EBF4: variants seen among roughly 807,000 people sequenced by gnomAD.
The protein encoded by EBF4 is transcription factor COE4.
In EBF4, 34 loss-of-function variants were observed where a neutral mutation model predicts 67.1. The ratio of observed to expected loss-of-function variants is 0.51; its 90% CI spans 0.39 to 0.67. The LOEUF (loss-of-function observed/expected upper bound fraction) is 0.67, where lower values mean the gene tolerates loss of function less well. Among genes scored for constraint, EBF4 ranks in the 30% least tolerant of loss-of-function variants. The pLI is 0.00. For missense variants in EBF4, 837 were observed against 873.3 expected, an observed-to-expected ratio of 0.96 and a Z score of 0.52; for synonymous variants, 387 against 377.7, an observed-to-expected ratio of 1.02 and a Z score of -0.29.
rs34477121 is a variant in EBF4 at position 2,743,873 on chromosome 20, AG to A, written c.558-4673del. On this transcript the variant is annotated intron_variant, in intron 6 of 16. Transcript: ENST00000609451. ...GTGTGGTGATCCAATCCAGATATTTAGGGTGTCCATCACACAGGTACAATAC... is the reference window on the plus strand; with the variant it reads ...GTGTGGTGATCCAATCCAGATATTTAGGTGTCCATCACACAGGTACAATAC... Among the ~76,000 whole-genome samples the A allele has an allele frequency of 8.1e-3, 1,236 of 152,252 alleles. 3 individuals carry two copies. The highest frequency in any genetic ancestry group is 0.012 in the Non-Finnish European group (836 of 68,022).
In EBF4 at chr20:2,755,873, G is replaced by A. The variant is rs889426695; in HGVS notation, c.1738+49G>A. The A allele has an allele frequency of 1.3e-6, 2 of 1,502,700 alleles. No homozygotes were observed. The highest frequency in any genetic ancestry group is 2.0e-5 in the Admixed American group (1 of 49,612). The allele number at this position is 1,502,700 out of a possible 1,614,324, so 93.1% of individuals were successfully genotyped here. A position where few individuals can be genotyped will look rare whatever the true frequency, so the allele number is the denominator to read the frequency against. ...TGTGGCAGGAAGGAAGGGCCCTTGT[G>A]GAGCAGCTGGGCTACAGGGGCCTGC... On this transcript the variant is annotated intron_variant, in intron 15 of 16. Coordinates refer to ENST00000609451, the Ensembl canonical transcript of EBF4. This position sits in a 1 kb window ranked among gnomAD's most constrained non-coding sequence, Gnocchi z 4.7.
rs59987186 is a variant in EBF4 at position 2,721,802 on chromosome 20, T to C, written c.557+12160T>C. ...ATATAAAACACAGTTATAATAACTC[T>C]TCTATTATATTTTTCTGCTGATTCT... On this transcript the variant is annotated intron_variant, in intron 6 of 16. Transcript: ENST00000609451. Among the ~76,000 whole-genome samples, 762 of 152,264 alleles carry C rather than the reference T, an allele frequency of 5.0e-3. 8 individuals are homozygous for C. Among genetic ancestry groups the C allele is most frequent in the African/African-American group, 0.017 (725 of 41,550 alleles).
At chr20:2,715,399 G>C (rs757902345) in intron 6 of EBF4, among the ~76,000 whole-genome samples, 1 of 152,144 alleles carries the variant, frequency 6.6e-6, no homozygotes, top group Non-Finnish European at 1.5e-5. Flanking sequence ...TTTAGTTTTT[G>C]CTATTATAAG....
At chr20:2,703,640 G>A (rs1466209665) in intron 1 of EBF4, among the ~76,000 whole-genome samples, 1 of 148,510 alleles carries the variant, frequency 6.7e-6, no homozygotes, top group Non-Finnish European at 1.5e-5. Context: ...TCCAGCCTGC[G>A]TGACAGAGTG....
chr20:2,702,202 G>A (rs1480490027), intron 1 of EBF4, among the ~76,000 whole-genome samples: 3 of 152,320 alleles, frequency 2.0e-5, no homozygotes, highest in African/African-American at 7.2e-5. Flanking sequence ...GGGAGGCCAA[G>A]GCAGGAGGAT....
intron 6 of EBF4, among the ~76,000 whole-genome samples, chr20:2,721,317 C>A (rs569477446): frequency 7.5e-6 from 1 of 134,048 alleles, no homozygotes; most frequent in African/African-American, 2.8e-5. Context: ...GTTATGCCTT[C>A]AAGTTCACTA....
At chr20:2,709,152 A>G (rs2087502631) in intron 5 of EBF4, among the ~76,000 whole-genome samples, 2 of 152,026 alleles carry the variant, frequency 1.3e-5, no homozygotes, top group African/African-American at 4.8e-5. Flanking sequence ...ACGTCACTGT[A>G]CTCCAGCCTG....
intron 15 of EBF4, among the ~76,000 whole-genome samples, chr20:2,757,549 G>A (rs1268782301): frequency 6.6e-6 from 1 of 152,238 alleles, no homozygotes; most frequent in African/African-American, 2.4e-5. Flanking sequence ...TTTGAAGAAG[G>A]CAGGGGTTCT....
chr20:2,726,204 T>G (rs997228509), intron 6 of EBF4, among the ~76,000 whole-genome samples: 1 of 152,226 alleles, frequency 6.6e-6, no homozygotes. Flanking sequence ...TCTGGACTTT[T>G]CATTCAATTT....
downstream of EBF4, chr20:2,759,518 G>T (rs368080057): frequency 6.3e-6 from 1 of 159,864 alleles, no homozygotes; most frequent in African/African-American, 2.4e-5. Flanking sequence ...GGACAGCATC[G>T]CAGGGAGGTG....
chr20:2,749,861 C>T (rs1366850295), exon 10 of EBF4: 10 of 1,550,298 alleles, frequency 6.5e-6, no homozygotes, highest in East Asian at 4.9e-5. Context: ...TCACGCCCCA[C>T]GCCATCCGGG....
intron 1 of EBF4, among the ~76,000 whole-genome samples, chr20:2,694,334 C>T (rs1432881679): frequency 6.6e-6 from 1 of 152,144 alleles, no homozygotes; most frequent in Non-Finnish European, 1.5e-5. Flanking sequence ...GACTGATTGG[C>T]CTGGGAACTG....
exon 17 of EBF4, chr20:2,759,304 C>G: frequency 2.6e-6 from 1 of 390,442 alleles, no homozygotes; most frequent in Non-Finnish European, 4.8e-6. Context: ...GACTGGAGGT[C>G]CCTCTGGGAT....
chr20:2,719,821 T>C (rs1255003640), intron 6 of EBF4, among the ~76,000 whole-genome samples: 1 of 152,244 alleles, frequency 6.6e-6, no homozygotes, highest in Non-Finnish European at 1.5e-5. Flanking sequence ...ATGGCCCACG[T>C]TGGTAAATAT....
intron 1 of EBF4, among the ~76,000 whole-genome samples, chr20:2,700,995 T>G (rs2087366777): frequency 6.6e-6 from 1 of 152,210 alleles, no homozygotes; most frequent in South Asian, 2.1e-4. Context: ...CCGGAGACAT[T>G]CCCAGGCAAG....
At chr20:2,705,784 ACC>A in intron 2 of EBF4, 51 bp downstream of exon 2, 1 of 898,160 alleles carries the variant, frequency 1.1e-6, no homozygotes, top group Non-Finnish European at 1.6e-6. Context: ...GGAACCCCCA[ACC>A]ACACACACAC....
intron 6 of EBF4, among the ~76,000 whole-genome samples, chr20:2,711,148 AAATAATAATAAT>A (rs144765250): frequency 1.0e-4 from 15 of 146,834 alleles, no homozygotes; most frequent in East Asian, 6.0e-4. Context: ...ACCCTGTCTA[AAATAATAATAAT>A]AATAATAATA....
intron 1 of EBF4, among the ~76,000 whole-genome samples, chr20:2,695,117 T>C (rs2087268796): frequency 6.6e-6 from 1 of 151,902 alleles, no homozygotes; most frequent in Non-Finnish European, 1.5e-5. Flanking sequence ...TTCTGTTGGT[T>C]CTGGCTTTTT....
Position 2,707,830 on chromosome 20 carries a change from C to T in EBF4, c.415-117C>T. 5 of 1,048,010 alleles carry T rather than the reference C, an allele frequency of 4.8e-6. No individual in the cohort carries two copies. Among genetic ancestry groups the T allele is most frequent in the Non-Finnish European group, 5.4e-6 (4 of 744,834 alleles). 64.9% of individuals were successfully genotyped at this position (1,048,010 alleles called of 1,614,324 possible). A position where few individuals can be genotyped will look rare whatever the true frequency, so the allele number is the denominator to read the frequency against. On this transcript the variant is annotated intron_variant, in intron 4 of 16. Coordinates refer to ENST00000609451, the Ensembl canonical transcript of EBF4. The surrounding 1 kb of genome is among the most constrained non-coding windows in gnomAD (Gnocchi z 4.6). ...AGAGCAAGGCAGAGGGCGTGCTCTT[C>T]CCTGGGGCAGGGTCTCCCTGGGCCT... is the stretch of plus-strand genomic sequence containing the variant.
Sources: gnomAD v4.1 joint callset for allele counts (sites outside exome capture counted in the v4.1 genomes callset) on GRCh38, gnomAD v4.1.1 for gene constraint, Gnocchi (gnomAD v3.1) non-coding constraint, MANE v1.5 for transcripts, NCBI Gene and HGNC (gene_info 2026-07-23, HGNC 2026-07-21) for gene names.